OSGIN2: variants seen among roughly 807,000 people sequenced by gnomAD.
The protein encoded by OSGIN2 is oxidative stress-induced growth inhibitor 2.
In OSGIN2, 19 loss-of-function variants were observed where a neutral mutation model predicts 53.8. The observed-to-expected ratio is 0.35, with a 90% CI of 0.25 to 0.52. The LOEUF (loss-of-function observed/expected upper bound fraction) is 0.52. Among genes scored for constraint, OSGIN2 ranks in the 20% least tolerant of loss-of-function variants. The pLI is 0.95. For synonymous variants in OSGIN2, 236 were observed against 236.0 expected (o/e 1.00, Z 0.00); for missense variants, 520 against 662.7 (o/e 0.78, Z 2.36).
intron 4 of OSGIN2, among the ~76,000 whole-genome samples, chr8:89,918,413 G>A (rs184116146): frequency 1.5e-4 from 23 of 152,194 alleles, no homozygotes; most frequent in Admixed American, 1.5e-3. Context: ...TGATCCTCCT[G>A]CCTTAGCCTC....
At chr8:89,911,241 C>T (rs990062175) in intron 2 of OSGIN2, among the ~76,000 whole-genome samples, 5 of 152,142 alleles carry the variant, frequency 3.3e-5, no homozygotes, top group African/African-American at 1.2e-4. Flanking sequence ...TTGGGTCTAC[C>T]TGGGTAATCT....
chr8:89,924,982 G>C lies in OSGIN2; in HGVS notation c.1100G>C (p.Ser367Thr), dbSNP rs759236979. The change falls in exon 6 of 6, where the codon AGT (serine) becomes ACT (threonine). Residue 367 changes from serine to threonine, a missense_variant. Physicochemically the swap from Ser to Thr is moderately conservative, Grantham distance 58. Coordinates refer to ENST00000451899, the MANE Select transcript of OSGIN2 (RefSeq NM_001126111.3). ...AADAVLCAYN[S>T]NIPVIHVFRR... Reference sequence around the variant, plus strand: ...GACGCAGTACTGTGTGCTTACAACAGTAATATCCCTGTGATTCATGTGTTT... The same window carrying C: ...GACGCAGTACTGTGTGCTTACAACACTAATATCCCTGTGATTCATGTGTTT... The C allele has an allele frequency of 1.9e-6, 3 of 1,614,158 alleles. No individual in the cohort carries two copies. The highest frequency in any genetic ancestry group is 1.6e-4 in the Middle Eastern group (1 of 6,062).
chr8:89,910,615 T>C (rs1174766749), intron 2 of OSGIN2, among the ~76,000 whole-genome samples: 2 of 152,172 alleles, frequency 1.3e-5, no homozygotes, highest in African/African-American at 4.8e-5. Flanking sequence ...GGTGACAGTT[T>C]TTGTAATAGT....
chr8:89,924,441 G>A, intron 5 of OSGIN2, 62 bp from the exon 6 acceptor site: 1 of 1,219,726 alleles, frequency 8.2e-7, no homozygotes. Context: ...AGGTAGATAA[G>A]TAATAATCAT....
rs74586430 is a variant in OSGIN2, at chr8:89,913,155, A to G, written c.200-922A>G. Among the ~76,000 whole-genome samples, 741 of 152,352 alleles carry G rather than the reference A, an allele frequency of 4.9e-3. 7 individuals carry two copies. Among genetic ancestry groups the G allele is most frequent in the African/African-American group, 0.016 (678 of 41,574 alleles). ...GTAAAGGATTATAGAAACTCTGCCTACATCTTAGCAGAATTCCGGCACCTC... is the reference window on the plus strand; with the variant it reads ...GTAAAGGATTATAGAAACTCTGCCTGCATCTTAGCAGAATTCCGGCACCTC... On this transcript the variant is annotated intron_variant, in intron 2 of 5. Transcript: ENST00000451899.
chr8:89,907,400 T>C (rs1450969471), intron 1 of OSGIN2, among the ~76,000 whole-genome samples: 1 of 152,226 alleles, frequency 6.6e-6, no homozygotes, highest in Non-Finnish European at 1.5e-5. Context: ...TTTGGGGTTT[T>C]ATATTTGAGT....
At chr8:89,912,880 G>A (rs1808999583) in intron 2 of OSGIN2, among the ~76,000 whole-genome samples, 1 of 152,148 alleles carries the variant, frequency 6.6e-6, no homozygotes, top group African/African-American at 2.4e-5. Context: ...ATGCCATGCT[G>A]GGGGTATCAA....
rs1312286065 is a variant in OSGIN2, at chr8:89,902,684, C to T, written c.-110C>T. ...CGGCGAGGCGCGAGGCAGGGGCGCCCGGCAGACCCCGCGACCCCGAGCCAG... is the reference window on the plus strand; with the variant it reads ...CGGCGAGGCGCGAGGCAGGGGCGCCTGGCAGACCCCGCGACCCCGAGCCAG... On this transcript the variant is annotated 5_prime_UTR_variant, in exon 1 of 6. Coordinates refer to ENST00000451899, the MANE Select transcript of OSGIN2 (RefSeq NM_001126111.3). 8.9e-6 allele frequency: 3 copies of T among 336,682 alleles called. No individual in the cohort carries two copies. The highest frequency in any genetic ancestry group is 2.2e-5 in the African/African-American group (1 of 44,658). The allele number at this position is 336,682 out of a possible 1,614,324, so 20.9% of individuals were successfully genotyped here.
intron 5 of OSGIN2, among the ~76,000 whole-genome samples, chr8:89,921,719 C>T (rs976919089): frequency 2.0e-5 from 3 of 152,082 alleles, no homozygotes; most frequent in East Asian, 1.9e-4. Flanking sequence ...CAGTGGCTCA[C>T]GCCTGTAATC....
chr8:89,909,460 G>A lies in OSGIN2; in HGVS notation c.45-107G>A, dbSNP rs149709369. The A allele has an allele frequency of 4.4e-5, 26 of 591,482 alleles. No homozygotes were observed. The African/African-American group carries it at 5.0e-4, about 11-fold the overall frequency. 36.6% of individuals were successfully genotyped at this position (591,482 alleles called of 1,614,324 possible). A position where few individuals can be genotyped will look rare whatever the true frequency, so the allele number is the denominator to read the frequency against. On this transcript the variant is annotated intron_variant, in intron 1 of 5. Coordinates refer to ENST00000451899, the MANE Select transcript of OSGIN2 (RefSeq NM_001126111.3). ...AAGGATTTTCTTTGCTTCTTTTATG[G>A]AATGATTAAAATATTTTATGTCTAA...
rs909150703 is a variant in OSGIN2 at position 89,924,416 on chromosome 8, C to CTTT, written c.621-86_621-85insTTT. 2.5e-4 allele frequency: 236 copies of CTTT among 927,782 alleles called. No homozygotes were observed. In the African/African-American group the frequency reaches 3.7e-3, roughly 14 times the overall value. 57.5% of individuals were successfully genotyped at this position (927,782 alleles called of 1,614,324 possible). ...AAGACAGTCCAGCAGAATTAAAAAG[C>CTTT]TATAAAAGCTTACTAGGTAGATAAG... On this transcript the variant is annotated intron_variant, in intron 5 of 5. Transcript: ENST00000451899.
rs1388253311 is a variant in OSGIN2 at position 89,921,060 on chromosome 8, T to C, written c.529-20T>C. The C allele has an allele frequency of 1.4e-6, 2 of 1,446,840 alleles. No homozygotes were observed. The highest frequency in any genetic ancestry group is 1.9e-6 in the Non-Finnish European group (2 of 1,053,078). The allele number at this position is 1,446,840 out of a possible 1,614,324, so 89.6% of individuals were successfully genotyped here. A position where few individuals can be genotyped will look rare whatever the true frequency, so the allele number is the denominator to read the frequency against. ...CTTCTTGTTTTTTGACGGTACATTTTTTTTTTTAAACTCTAATAGAATATG... is the reference window on the plus strand; with the variant it reads ...CTTCTTGTTTTTTGACGGTACATTTCTTTTTTTAAACTCTAATAGAATATG... On this transcript the variant is annotated intron_variant, in intron 4 of 5. Coordinates refer to ENST00000451899, the MANE Select transcript of OSGIN2 (RefSeq NM_001126111.3).
intron 4 of OSGIN2, among the ~76,000 whole-genome samples, chr8:89,915,580 C>T (rs1295654034): frequency 2.0e-5 from 3 of 152,174 alleles, no homozygotes; most frequent in Admixed American, 1.3e-4. Flanking sequence ...ATTGTTCATC[C>T]TTCCTGTGTT....
chr8:89,911,628 A>T (rs748032275), intron 2 of OSGIN2, among the ~76,000 whole-genome samples: 16 of 117,254 alleles, frequency 1.4e-4, no homozygotes, highest in African/African-American at 4.8e-4. Context: ...AACTCTGTCT[A>T]AAAAAAAAAA....
chr8:89,912,755 A>C (rs532144654), intron 2 of OSGIN2, among the ~76,000 whole-genome samples: 1 of 151,876 alleles, frequency 6.6e-6, no homozygotes, highest in South Asian at 2.1e-4. Flanking sequence ...AAAAAAAAAA[A>C]CACAACGAAA....
intron 1 of OSGIN2, among the ~76,000 whole-genome samples, chr8:89,904,935 T>C (rs1808803608): frequency 6.6e-6 from 1 of 152,246 alleles, no homozygotes; most frequent in Non-Finnish European, 1.5e-5. Flanking sequence ...AAAAACCTCT[T>C]CCTTCGTGTT....
chr8:89,902,764 CGCGCTCGGGCGCCCCTCGCGCA>C lies in OSGIN2; in HGVS notation c.-23_-2del. On this transcript the variant is annotated 5_prime_UTR_variant, in exon 1 of 6. Transcript: ENST00000451899. ...GGGAGGCGGAGGCGGCCACGGCGGC[CGCGCTCGGGCGCCCCTCGCGCA>C]GCGCTCCATGCCCGTGTGGTGCTGC... 8.2e-7 allele frequency: 1 copy of C among 1,219,722 alleles called. No homozygotes were observed. The highest frequency in any genetic ancestry group is 2.9e-4 in the Middle Eastern group (1 of 3,414). The allele number at this position is 1,219,722 out of a possible 1,614,324, so 75.6% of individuals were successfully genotyped here. A position where few individuals can be genotyped will look rare whatever the true frequency, so the allele number is the denominator to read the frequency against.
In OSGIN2 at chr8:89,902,855, G is replaced by T; in HGVS notation, c.44+18G>T. 5.8e-6 allele frequency: 8 copies of T among 1,371,494 alleles called. No individual in the cohort carries two copies. The highest frequency in any genetic ancestry group is 7.7e-6 in the Non-Finnish European group (8 of 1,041,934). The allele number at this position is 1,371,494 out of a possible 1,614,324, so 85.0% of individuals were successfully genotyped here. ...CATTTCAGGTGACTTCCTCGCCGGG[G>T]ATGGGAGGGGAGCAGGCGGGGATGC... On this transcript the variant is annotated intron_variant, in intron 1 of 5. Coordinates refer to ENST00000451899, the MANE Select transcript of OSGIN2 (RefSeq NM_001126111.3).
intron 1 of OSGIN2, among the ~76,000 whole-genome samples, chr8:89,909,143 A>G (rs899055846): frequency 1.3e-5 from 2 of 150,464 alleles, no homozygotes; most frequent in African/African-American, 4.9e-5. Flanking sequence ...TTTATAATAT[A>G]TAAATACCGT....
Sources: gnomAD v4.1 joint callset for allele counts (sites outside exome capture counted in the v4.1 genomes callset) on GRCh38, gnomAD v4.1.1 for gene constraint, MANE v1.5 for transcripts, NCBI Gene and HGNC (gene_info 2026-07-23, HGNC 2026-07-21) for gene names.